CWC27: variants seen among roughly 807,000 people sequenced by gnomAD.
The protein encoded by CWC27 is spliceosome-associated protein CWC27 homolog.
CWC27 carries 47 observed loss-of-function variants against 63.6 expected under a neutral mutation model. That is an observed-to-expected ratio of 0.74 (90% CI 0.58 to 0.94). CWC27 has a LOEUF of 0.94. CWC27 is among the 40% of genes least tolerant of loss of function. CWC27 has a pLI of 0.00. For missense variants in CWC27, 495 were observed against 554.3 expected (o/e 0.89, Z 1.07); for synonymous variants, 175 against 179.8 (o/e 0.97, Z 0.22).
At chr5:64,779,765 G>A (rs577328791) in intron 2 of CWC27, among the ~76,000 whole-genome samples, 2 of 152,204 alleles carry the variant, frequency 1.3e-5, no homozygotes, top group African/African-American at 4.8e-5. Flanking sequence ...CACATGTCTA[G>A]GGCAGGACCA....
intron 10 of CWC27, among the ~76,000 whole-genome samples, chr5:64,867,715 G>A (rs1561440291): frequency 6.6e-6 from 1 of 152,074 alleles, no homozygotes; most frequent in Non-Finnish European, 1.5e-5. Context: ...CTGACCTCAT[G>A]TGTGAAGTCT....
Position 65,007,015 on chromosome 5 carries a change from AAAG to A in CWC27, c.1257-11141_1257-11139del, listed in dbSNP as rs1414245075. Among the ~76,000 whole-genome samples the A allele has an allele frequency of 4.3e-5, 6 of 140,878 alleles. 1 individual carries two copies. The highest frequency in any genetic ancestry group is 4.2e-4 in the East Asian group (2 of 4,774). 92.4% of individuals were successfully genotyped at this position (140,878 alleles called of 152,430 possible). ...GAAAGAAAGAAAGAAAGAAAGAAAG[AAAG>A]AAAGAAAAGAAAGAAAGGAGTAATT... On this transcript the variant is annotated intron_variant, in intron 13 of 13. Coordinates refer to ENST00000381070, the MANE Select transcript of CWC27 (RefSeq NM_005869.4).
At chr5:64,853,517 C>A (rs951439613) in intron 10 of CWC27, among the ~76,000 whole-genome samples, 1 of 152,130 alleles carries the variant, frequency 6.6e-6, no homozygotes. Flanking sequence ...TTAGTCCATT[C>A]TTATGTTGCT....
At chr5:64,866,833 C>T (rs989249155) in intron 10 of CWC27, among the ~76,000 whole-genome samples, 1 of 151,862 alleles carries the variant, frequency 6.6e-6, no homozygotes, top group African/African-American at 2.4e-5. Flanking sequence ...ATCTTGAGAC[C>T]GTTTCATATG....
intron 12 of CWC27, among the ~76,000 whole-genome samples, chr5:64,972,858 T>G (rs1749151742): frequency 6.6e-6 from 1 of 152,170 alleles, no homozygotes; most frequent in Non-Finnish European, 1.5e-5. Context: ...CCCTGCTCTC[T>G]CTGATCTATC....
At position 64,781,928 on chromosome 5, in the gene CWC27, T is replaced by G; in HGVS notation, c.147T>G (p.Tyr49Ter). Residue 49 changes from tyrosine to a stop codon, truncating the protein, a stop_gained, in exon 3 of 14, where the codon TAT becomes TAG. Coordinates refer to ENST00000381070, the MANE Select transcript of CWC27 (RefSeq NM_005869.4). LOFTEE classifies it high-confidence loss of function. ...NFIQLCLEAY[Y>*]DNTIFHRVVP... ...TTTTTATTTTTTTTTCAGCTTATTA[T>G]GACAATACCATTTTTCATAGAGTTG... 6.4e-7 allele frequency: 1 copy of G among 1,550,890 alleles called. No homozygotes were observed. The highest frequency in any genetic ancestry group is 1.4e-5 in the African/African-American group (1 of 73,254).
At chr5:64,817,719 T>C (rs1401622429) in intron 10 of CWC27, among the ~76,000 whole-genome samples, 1 of 152,184 alleles carries the variant, frequency 6.6e-6, no homozygotes, top group Non-Finnish European at 1.5e-5. Flanking sequence ...GTTAGTGATA[T>C]TTGATCTCTC....
At chr5:64,806,232 A>G (rs1332081835) in intron 10 of CWC27, among the ~76,000 whole-genome samples, 1 of 152,172 alleles carries the variant, frequency 6.6e-6, no homozygotes, top group East Asian at 1.9e-4. Flanking sequence ...TTGTATATTC[A>G]CTGTAGAGGA....
chr5:64,949,527 A>G (rs1473828137), intron 11 of CWC27, among the ~76,000 whole-genome samples: 2 of 151,360 alleles, frequency 1.3e-5, no homozygotes, highest in African/African-American at 4.9e-5. Flanking sequence ...CTTTTCTGAA[A>G]CACAAACACG....
intron 10 of CWC27, among the ~76,000 whole-genome samples, chr5:64,861,789 A>G (rs954568211): frequency 3.3e-5 from 5 of 152,212 alleles, no homozygotes; most frequent in Non-Finnish European, 5.9e-5. Context: ...GTGCTGCCTT[A>G]CATTATACTT....
intron 10 of CWC27, among the ~76,000 whole-genome samples, chr5:64,858,879 A>C (rs530829209): frequency 2.0e-5 from 3 of 152,258 alleles, no homozygotes; most frequent in Non-Finnish European, 4.4e-5. Context: ...CATCATGCCC[A>C]GATATTTATG....
At chr5:65,014,957 C>G (rs1024983445) in intron 13 of CWC27, among the ~76,000 whole-genome samples, 3 of 152,164 alleles carry the variant, frequency 2.0e-5, no homozygotes, top group African/African-American at 7.2e-5. Context: ...AAGCTGATAG[C>G]CCTTTCTTTC....
rs1369196405 is a variant in CWC27, at chr5:64,783,900, C to G, written c.317C>G (p.Ser106Cys). 2 of 1,607,612 alleles carry G rather than the reference C, an allele frequency of 1.2e-6. No individual in the cohort carries two copies. The highest frequency in any genetic ancestry group is 1.7e-6 in the Non-Finnish European group (2 of 1,177,220). The stretch of plus-strand genomic sequence containing the variant: ...CTGGTTGCCATGGCAAATGCTGGTT[C>G]TCATGATAATGGCAGCCAGTTTTTC... ...RGLVAMANAG[S>C]HDNGSQFFFT... The change falls in exon 4 of 14, where the codon TCT becomes TGT. Residue 106 changes from serine (S) to cysteine (C), a missense_variant. Transcript: ENST00000381070.
At chr5:64,934,583 A>G (rs1398902847) in intron 11 of CWC27, among the ~76,000 whole-genome samples, 1 of 152,318 alleles carries the variant, frequency 6.6e-6, no homozygotes, top group East Asian at 1.9e-4. Flanking sequence ...ATGTCTTTAT[A>G]GTAGAATGAT....
chr5:64,885,318 A>C lies in CWC27; in HGVS notation c.939-125A>C, dbSNP rs1747042190. 4.9e-6 allele frequency: 3 copies of C among 614,660 alleles called. 1 individual carries two copies. The highest frequency in any genetic ancestry group is 3.2e-5 in the Admixed American group (1 of 30,786). The allele number at this position is 614,660 out of a possible 1,614,324, so 38.1% of individuals were successfully genotyped here. A position where few individuals can be genotyped will look rare whatever the true frequency, so the allele number is the denominator to read the frequency against. Reference sequence around the variant, plus strand: ...AGCACAAGTATACATACACAGAAACAAAATGAATGAATTACATTATTCACT... The same window carrying C: ...AGCACAAGTATACATACACAGAAACCAAATGAATGAATTACATTATTCACT... On this transcript the variant is annotated intron_variant, in intron 10 of 13. Coordinates refer to ENST00000381070, the MANE Select transcript of CWC27 (RefSeq NM_005869.4).
chr5:65,015,312 A>G (rs1341152924), intron 13 of CWC27, among the ~76,000 whole-genome samples: 1 of 152,236 alleles, frequency 6.6e-6, no homozygotes, highest in Non-Finnish European at 1.5e-5. Flanking sequence ...AACCATCTGT[A>G]TTTCTGGGCA....
chr5:64,869,325 C>T (rs1053037896), intron 10 of CWC27, among the ~76,000 whole-genome samples: 2 of 152,024 alleles, frequency 1.3e-5, no homozygotes, highest in African/African-American at 2.4e-5. Flanking sequence ...TCTATTTGGG[C>T]TGAACTACTT....
At chr5:64,769,691 C>G (rs1274723058) in intron 1 of CWC27, among the ~76,000 whole-genome samples, 1 of 152,108 alleles carries the variant, frequency 6.6e-6, no homozygotes, top group Non-Finnish European at 1.5e-5. Flanking sequence ...GTCTGATAAG[C>G]GTGCTTGTGG....
intron 10 of CWC27, among the ~76,000 whole-genome samples, chr5:64,854,376 A>T (rs542577032): frequency 6.6e-6 from 1 of 152,210 alleles, no homozygotes; most frequent in African/African-American, 2.4e-5. Flanking sequence ...ACTGTTTTTC[A>T]TAGCAACTGC....
Sources: gnomAD v4.1 joint callset for allele counts (sites outside exome capture counted in the v4.1 genomes callset) on GRCh38, gnomAD v4.1.1 for gene constraint, MANE v1.5 for transcripts, NCBI Gene and HGNC (gene_info 2026-07-23, HGNC 2026-07-21) for gene names.